TCF4: variants seen among roughly 807,000 people sequenced by gnomAD.
The protein encoded by TCF4 is transcription factor 4.
Under a neutral mutation model 82.1 loss-of-function variants are expected in TCF4, and 3 were observed. The ratio of observed to expected loss-of-function variants is 0.04; its 90% CI spans 0.02 to 0.09. The LOEUF (loss-of-function observed/expected upper bound fraction) is 0.09, where lower values mean the gene tolerates loss of function less well. TCF4 is among the 10% of genes least tolerant of loss of function. The probability of loss-of-function intolerance (pLI) is 1.00; values close to 1 mark genes in which losing one functional copy is unlikely to be tolerated. For synonymous variants in TCF4, 276 were observed against 309.6 expected (o/e 0.89, Z 1.14); for missense variants, 518 against 852.7 (o/e 0.61, Z 4.89).
At chr18:55,289,547 T>C (rs181590498) in intron 8 of TCF4, among the ~76,000 whole-genome samples, 1 of 152,334 alleles carries the variant, frequency 6.6e-6, no homozygotes, top group East Asian at 1.9e-4. Context: ...ACAGATCATC[T>C]CACATCTCAA....
At chr18:55,415,502 A>G (rs1445622413) in intron 5 of TCF4, among the ~76,000 whole-genome samples, 6 of 152,340 alleles carry the variant, frequency 3.9e-5, no homozygotes, top group African/African-American at 9.6e-5. Flanking sequence ...GGCTATGGCC[A>G]GGCACTCCCC....
chr18:55,473,461 A>G (rs1276442417), intron 3 of TCF4, among the ~76,000 whole-genome samples: 1 of 152,138 alleles, frequency 6.6e-6, no homozygotes, highest in Non-Finnish European at 1.5e-5. Context: ...ATAGTTTTAC[A>G]TATTCAAAAC....
At chr18:55,402,105 C>A (rs2093854260) in intron 6 of TCF4, 2 of 985,304 alleles carry the variant, frequency 2.0e-6, no homozygotes, top group Non-Finnish European at 2.4e-6. Context: ...TTCTTTCCTG[C>A]AGAATTCTTT....
intron 3 of TCF4, among the ~76,000 whole-genome samples, chr18:55,581,794 A>C (rs1357985984): frequency 6.6e-6 from 1 of 152,114 alleles, no homozygotes; most frequent in Non-Finnish European, 1.5e-5. Flanking sequence ...TTCCTCTTCC[A>C]AAAATGACCC....
chr18:55,613,180 A>G (rs979912094), intron 2 of TCF4, among the ~76,000 whole-genome samples: 3 of 151,982 alleles, frequency 2.0e-5, no homozygotes, highest in Non-Finnish European at 4.4e-5. Context: ...ATATATATAT[A>G]TGCCCATGAA....
chr18:55,510,609 G>A (rs1318934160), intron 3 of TCF4: 2 of 1,515,660 alleles, frequency 1.3e-6, no homozygotes, highest in Admixed American at 2.0e-5. Context: ...TGAATAGGAA[G>A]TAATAAATTC....
chr18:55,580,349 C>A (rs2097564292), intron 3 of TCF4, among the ~76,000 whole-genome samples: 1 of 151,874 alleles, frequency 6.6e-6, no homozygotes, highest in South Asian at 2.1e-4. Flanking sequence ...GACAGGAGAT[C>A]CTTATTTTTT....
chr18:55,236,065 G>A (rs2049274154), intron 15 of TCF4, among the ~76,000 whole-genome samples: 1 of 45,592 alleles, frequency 2.2e-5, no homozygotes, highest in Non-Finnish European at 3.7e-5. Context: ...ATATTCATGT[G>A]TGCATGTGTG....
intron 1 of TCF4, among the ~76,000 whole-genome samples, chr18:55,587,697 G>C (rs1005419236): frequency 1.3e-5 from 2 of 151,922 alleles, no homozygotes; most frequent in African/African-American, 4.8e-5. Flanking sequence ...ACGTCCAAAG[G>C]GGGAGGGGTG....
chr18:55,251,426 T>A (rs546124254), intron 15 of TCF4, among the ~76,000 whole-genome samples: 4 of 152,154 alleles, frequency 2.6e-5, no homozygotes, highest in Non-Finnish European at 4.4e-5. Context: ...AAGGACAATA[T>A]GTTAGCAATT....
chr18:55,634,273 A>G (rs913464534), intron 1 of TCF4, among the ~76,000 whole-genome samples: 8 of 152,256 alleles, frequency 5.3e-5, no homozygotes, highest in African/African-American at 1.7e-4. Flanking sequence ...CCGTCTCAAA[A>G]AAAACAAAAA....
At chr18:55,245,912 A>C (rs974507983) in intron 15 of TCF4, among the ~76,000 whole-genome samples, 35 of 152,232 alleles carry the variant, frequency 2.3e-4, no homozygotes, top group Non-Finnish European at 4.7e-4. Flanking sequence ...ATGCATCCCC[A>C]AAAGCATCTG....
chr18:55,271,623 C>T lies in TCF4; in HGVS notation c.790-1660G>A, dbSNP rs180781168. ...AAATCTTTCCAAGTTCCTGAGAATG[C>T]CTTTCAAATTTTTAAATTCCATGGA... On this transcript the variant is annotated intron_variant, in intron 10 of 19. Transcript: ENST00000354452. Among the ~76,000 whole-genome samples, 346 of 152,172 alleles carry T rather than the reference C, an allele frequency of 2.3e-3. 3 individuals carry two copies. The highest frequency in any genetic ancestry group is 6.7e-3 in the African/African-American group (280 of 41,542).
chr18:55,272,135 C>T (rs978228933), intron 10 of TCF4, among the ~76,000 whole-genome samples: 4 of 151,956 alleles, frequency 2.6e-5, no homozygotes, highest in African/African-American at 7.3e-5. Context: ...AAAGGGTTAA[C>T]GCTGAGTTCA....
intron 15 of TCF4, among the ~76,000 whole-genome samples, chr18:55,247,643 G>C (rs1248082343): frequency 1.3e-5 from 2 of 152,178 alleles, no homozygotes; most frequent in Non-Finnish European, 2.9e-5. Flanking sequence ...CACACTAAAA[G>C]GTTCTTGTGG....
chr18:55,250,120 T>C (rs1347048342), intron 15 of TCF4, among the ~76,000 whole-genome samples: 1 of 152,214 alleles, frequency 6.6e-6, no homozygotes, highest in Non-Finnish European at 1.5e-5. Context: ...CAGAGATTTC[T>C]GCTTTAATTT....
intron 2 of TCF4, among the ~76,000 whole-genome samples, chr18:55,610,242 A>G (rs2097705862): frequency 6.6e-6 from 1 of 152,252 alleles, no homozygotes; most frequent in Admixed American, 6.5e-5. Context: ...TGCAGAGGTC[A>G]GGAGGAATAT....
chr18:55,379,108 T>A (rs761000385), intron 6 of TCF4, among the ~76,000 whole-genome samples: 1 of 152,240 alleles, frequency 6.6e-6, no homozygotes, highest in Non-Finnish European at 1.5e-5. Flanking sequence ...ACATATTTAA[T>A]CTAATTGTGA....
At chr18:55,412,459 T>C (rs1185379273) in intron 5 of TCF4, among the ~76,000 whole-genome samples, 1 of 152,070 alleles carries the variant, frequency 6.6e-6, no homozygotes, top group Non-Finnish European at 1.5e-5. Flanking sequence ...TTGCTCCTCA[T>C]TGATCAGACC....
Sources: allele counts gnomAD v4.1 joint callset (sites outside exome capture counted in the v4.1 genomes callset), GRCh38; gene constraint gnomAD v4.1.1; transcripts MANE v1.5; gene names NCBI Gene and HGNC (gene_info 2026-07-23, HGNC 2026-07-21).